The following OR1D2 variants were observed in gnomAD, a reference collection of about 807,000 sequenced individuals.
OR1D2 encodes the protein olfactory receptor family 1 subfamily D member 2.
For synonymous variants in OR1D2, 157 were observed against 153.9 expected (o/e 1.02, Z -0.15); for missense variants, 357 against 376.1 (o/e 0.95, Z 0.42).
intron 1 of OR1D2, among the ~76,000 whole-genome samples, chr17:3,101,617 G>A (rs1303860151): frequency 6.6e-6 from 1 of 152,094 alleles, no homozygotes; most frequent in East Asian, 1.9e-4. Flanking sequence ...TACAAGGCAA[G>A]GATGCCCTGT....
In OR1D2 at chr17:3,090,279, T is replaced by C; in HGVS notation, c.*1779A>G. 1 of 152,202 alleles carries C rather than the reference T, an allele frequency of 6.6e-6. No homozygotes were observed. The highest frequency in any genetic ancestry group is 1.9e-4 in the East Asian group (1 of 5,200). The allele number at this position is 152,202 out of a possible 1,614,324, so 9.4% of individuals were successfully genotyped here. ...TTTTTAAAGTTTAGTCATTGTATTATTTAGCTCCAGAATTACTGTTTCTTT... is the reference window on the plus strand; with the variant it reads ...TTTTTAAAGTTTAGTCATTGTATTACTTAGCTCCAGAATTACTGTTTCTTT... On this transcript the variant is annotated 3_prime_UTR_variant, in exon 2 of 2. Coordinates refer to ENST00000641833, the MANE Select transcript of OR1D2 (RefSeq NM_002548.3).
At position 3,091,264 on chromosome 17, in the gene OR1D2, T is replaced by C. The variant is rs1263269287; in HGVS notation, c.*794A>G. The C allele has an allele frequency of 1.3e-5, 2 of 152,202 alleles. No individual in the cohort carries two copies. The highest frequency in any genetic ancestry group is 4.8e-5 in the African/African-American group (2 of 41,450). 9.4% of individuals were successfully genotyped at this position (152,202 alleles called of 1,614,324 possible). On this transcript the variant is annotated 3_prime_UTR_variant, in exon 2 of 2. Coordinates refer to ENST00000641833, the MANE Select transcript of OR1D2 (RefSeq NM_002548.3). ...ATCACTCCTTTCACCCGTTTTGAAA[T>C]ATCTTTTACCTGATGTCATTGCAGC...
At chr17:3,100,535 G>C (rs1410539636) in intron 1 of OR1D2, among the ~76,000 whole-genome samples, 1 of 152,120 alleles carries the variant, frequency 6.6e-6, no homozygotes, top group Admixed American at 6.6e-5. Context: ...AGTGTTAAGA[G>C]GGAAATTTAT....
At chr17:3,103,207 A>G (rs1254341916) in intron 1 of OR1D2, among the ~76,000 whole-genome samples, 2 of 152,042 alleles carry the variant, frequency 1.3e-5, no homozygotes, top group Non-Finnish European at 2.9e-5. Context: ...TGAGAAATTG[A>G]TCCCTCTGCT....
chr17:3,094,537 C>T (rs1337259961), intron 1 of OR1D2, among the ~76,000 whole-genome samples: 1 of 151,934 alleles, frequency 6.6e-6, no homozygotes, highest in Non-Finnish European at 1.5e-5. Context: ...AATAACCAGC[C>T]CCATTAGGGG....
chr17:3,092,834 G>C lies in OR1D2; in HGVS notation c.163C>G (p.Leu55Val). Residue 55 changes from leucine to valine, a missense_variant, in exon 2 of 2, where the codon CTG becomes GTG. Physicochemically the swap from Leu to Val is conservative, Grantham distance 32. Coordinates refer to ENST00000641833, the MANE Select transcript of OR1D2 (RefSeq NM_002548.3). ...IILAISSDSR[L>V]HTPVYFFLAN... Reference sequence around the variant, plus strand: ...AGGAAGAAGTACACGGGGGTGTGCAGGCGGGAATCAGAGCTGATGGCCAGG... The same window carrying C: ...AGGAAGAAGTACACGGGGGTGTGCACGCGGGAATCAGAGCTGATGGCCAGG... The C allele has an allele frequency of 6.2e-7, 1 of 1,614,126 alleles. No homozygotes were observed.
chr17:3,102,474 G>T (rs895358254), intron 1 of OR1D2, among the ~76,000 whole-genome samples: 1 of 152,120 alleles, frequency 6.6e-6, no homozygotes, highest in Non-Finnish European at 1.5e-5. Flanking sequence ...CATACCTACG[G>T]TGCTATGTAT....
At position 3,092,183 on chromosome 17, in the gene OR1D2, C is replaced by T; in HGVS notation, c.814G>A (p.Val272Ile). ...PLHTYSVKDS[V>I]ATVMYAVVTP... The stretch of plus-strand genomic sequence containing the variant: ...ACCACAGCATACATCACTGTGGCTA[C>T]TGAGTCCTTCACAGAGTAGGTATGG... Residue 272 changes from valine to isoleucine, a missense_variant, in exon 2 of 2, where the codon GTA becomes ATA. Transcript: ENST00000641833. 6.2e-7 allele frequency: 1 copy of T among 1,614,162 alleles called. No individual in the cohort carries two copies. Among genetic ancestry groups the T allele is most frequent in the Non-Finnish European group, 8.5e-7 (1 of 1,180,002 alleles).
chr17:3,096,198 AAC>A (rs2047843878), intron 1 of OR1D2, among the ~76,000 whole-genome samples: 1 of 152,210 alleles, frequency 6.6e-6, no homozygotes, highest in Admixed American at 6.5e-5. Flanking sequence ...ACACATAGAA[AAC>A]ACAAAGTAAA....
At chr17:3,100,708 C>T (rs554087984) in intron 1 of OR1D2, among the ~76,000 whole-genome samples, 1 of 151,930 alleles carries the variant, frequency 6.6e-6, no homozygotes, top group Non-Finnish European at 1.5e-5. Flanking sequence ...ACAAAAAAAC[C>T]CTTCAAAAAA....
At chr17:3,100,960 C>T (rs982865554) in intron 1 of OR1D2, among the ~76,000 whole-genome samples, 5 of 152,008 alleles carry the variant, frequency 3.3e-5, no homozygotes, top group East Asian at 1.9e-4. Context: ...CACCCTCCCA[C>T]GGCTAAACCA....
Position 3,092,896 on chromosome 17 carries a change from A to T in OR1D2, c.101T>A (p.Met34Lys). Residue 34 changes from methionine (M) to lysine (K), a missense_variant, in exon 2 of 2, where the codon ATG (methionine) becomes AAG (lysine). Met to Lys is a moderately conservative substitution (Grantham distance 95, BLOSUM62 -1). Transcript: ENST00000641833. Reference sequence around the variant, plus strand: ...ATTTCCCACCACCGTGACCAGGTACATGGACAGGAACATCCAAAACAGGAT... The same window carrying T: ...ATTTCCCACCACCGTGACCAGGTACTTGGACAGGAACATCCAAAACAGGAT... Reference protein sequence around the residue: ...QRILFWMFLSMYLVTVVGNVL... With the variant: ...QRILFWMFLSKYLVTVVGNVL... 2.5e-6 allele frequency: 4 copies of T among 1,614,054 alleles called. No individual in the cohort carries two copies. Among genetic ancestry groups the T allele is most frequent in the Non-Finnish European group, 3.4e-6 (4 of 1,180,012 alleles).
chr17:3,093,556 C>A (rs376180878), intron 1 of OR1D2, among the ~76,000 whole-genome samples: 1 of 152,136 alleles, frequency 6.6e-6, no homozygotes, highest in Admixed American at 6.5e-5. Flanking sequence ...TCCAGAGTTC[C>A]TTAAGACTCA....
In OR1D2 at chr17:3,089,148, T is replaced by A. The variant is rs555300882; in HGVS notation, c.*2910A>T. 40 of 152,354 alleles carry A rather than the reference T, an allele frequency of 2.6e-4. No homozygotes were observed. The highest frequency in any genetic ancestry group is 9.4e-4 in the African/African-American group (39 of 41,576). 9.4% of individuals were successfully genotyped at this position (152,354 alleles called of 1,614,324 possible). A position where few individuals can be genotyped will look rare whatever the true frequency, so the allele number is the denominator to read the frequency against. On this transcript the variant is annotated 3_prime_UTR_variant, in exon 2 of 2. Transcript: ENST00000641833. ...AGATCTGGGGCTCAAGGGCTACTTA[T>A]CAGATTGTTTTTGTCCATGGGATCC... is the stretch of plus-strand genomic sequence containing the variant.
chr17:3,096,253 G>A (rs765183289), intron 1 of OR1D2, among the ~76,000 whole-genome samples: 1 of 152,088 alleles, frequency 6.6e-6, no homozygotes, highest in Non-Finnish European at 1.5e-5. Flanking sequence ...AACATTAAGT[G>A]TGAATGCATA....
At position 3,089,357 on chromosome 17, in the gene OR1D2, T is replaced by C. The variant is rs2047792755; in HGVS notation, c.*2701A>G. ...CTGTCTTCAGTCCCTCAGGCATGGA[T>C]ACCAGTGCCTGGTCCAGTGGAGGTA... On this transcript the variant is annotated 3_prime_UTR_variant, in exon 2 of 2. Transcript: ENST00000641833. The C allele has an allele frequency of 6.6e-6, 1 of 152,354 alleles. No individual in the cohort carries two copies. The highest frequency in any genetic ancestry group is 1.9e-4 in the East Asian group (1 of 5,188). The allele number at this position is 152,354 out of a possible 1,614,324, so 9.4% of individuals were successfully genotyped here. A position where few individuals can be genotyped will look rare whatever the true frequency, so the allele number is the denominator to read the frequency against.
chr17:3,094,249 G>A (rs2047831630), intron 1 of OR1D2, among the ~76,000 whole-genome samples: 1 of 152,042 alleles, frequency 6.6e-6, no homozygotes, highest in Non-Finnish European at 1.5e-5. Flanking sequence ...AATTTCGGAG[G>A]ACTAGTTCGA....
In OR1D2 at chr17:3,093,009, C is replaced by G; in HGVS notation, c.-13G>C. 5.6e-6 allele frequency: 9 copies of G among 1,610,614 alleles called. No homozygotes were observed. The highest frequency in any genetic ancestry group is 7.6e-6 in the Non-Finnish European group (9 of 1,177,608). On this transcript the variant is annotated 5_prime_UTR_variant, in exon 2 of 2. Transcript: ENST00000641833. ...TGCCTCCATCCATTTCCCCAACTCT[C>G]TTTTAACATTAACACCAGCAAATGT...
At chr17:3,098,722 A>T (rs748721603) in intron 1 of OR1D2, among the ~76,000 whole-genome samples, 1 of 152,186 alleles carries the variant, frequency 6.6e-6, no homozygotes, top group South Asian at 2.1e-4. Flanking sequence ...GGGTAATAAC[A>T]AACTCCTCCG....
Sources: allele counts gnomAD v4.1 joint callset (sites outside exome capture counted in the v4.1 genomes callset), GRCh38; gene constraint gnomAD v4.1.1; transcripts MANE v1.5; gene names NCBI Gene and HGNC (gene_info 2026-07-23, HGNC 2026-07-21).